The following GSE1 variants were observed in gnomAD, a reference collection of about 807,000 sequenced individuals.
GSE1 encodes the protein Gse1 coiled-coil protein, also known as genetic suppressor element 1.
A neutral mutation model predicts 112.6 loss-of-function variants in GSE1; 32 were observed. That is an observed-to-expected ratio of 0.28 (90% CI 0.21 to 0.38). The LOEUF is 0.38. GSE1 is among the 10% of genes least tolerant of loss of function. The pLI, the probability that GSE1 is intolerant of heterozygous loss-of-function variation, is 1.00. For synonymous variants in GSE1, 1,115 were observed against 735.6 expected, an observed-to-expected ratio of 1.52 and a Z score of -8.35; for missense variants, 2,348 against 1,699.2, an observed-to-expected ratio of 1.38 and a Z score of -6.71.
intron 1 of GSE1, among the ~76,000 whole-genome samples, chr16:85,352,479 G>C (rs939238164): frequency 1.3e-5 from 2 of 152,198 alleles, no homozygotes; most frequent in African/African-American, 4.8e-5. Flanking sequence ...GGCCCCCTGG[G>C]AGTGGGGGAT....
At chr16:85,460,554 C>G (rs531396282) in intron 2 of GSE1, among the ~76,000 whole-genome samples, 1 of 152,244 alleles carries the variant, frequency 6.6e-6, no homozygotes, top group South Asian at 2.1e-4. Flanking sequence ...AGTAAACTGA[C>G]AGGCAGAAAG....
intron 4 of GSE1, 127 bp downstream of exon 4, chr16:85,654,577 G>A: frequency 1.2e-6 from 1 of 853,362 alleles, no homozygotes; most frequent in Non-Finnish European, 1.8e-6. Context: ...GTCGGCCGCT[G>A]AGCCCTGGGG....
At chr16:85,232,778 C>T (rs922603194) in intron 1 of GSE1, among the ~76,000 whole-genome samples, 1 of 152,270 alleles carries the variant, frequency 6.6e-6, no homozygotes, top group African/African-American at 2.4e-5. Context: ...CCGGAGGCCT[C>T]GCTGACCACC....
chr16:85,208,030 G>C (rs1307184246), intron 1 of GSE1: 1 of 152,220 alleles, frequency 6.6e-6, no homozygotes, highest in Non-Finnish European at 1.5e-5. Flanking sequence ...GTTTGGGGGG[G>C]GTGCCAGGTG....
At chr16:85,520,571 A>G (rs1197662297) in intron 2 of GSE1, among the ~76,000 whole-genome samples, 1 of 151,412 alleles carries the variant, frequency 6.6e-6, no homozygotes, top group Non-Finnish European at 1.5e-5. Context: ...ACAGGCGCCC[A>G]CCACCACACC....
At chr16:85,626,311 C>T (rs578242915) in intron 1 of GSE1, among the ~76,000 whole-genome samples, 13 of 152,266 alleles carry the variant, frequency 8.5e-5, no homozygotes, top group Middle Eastern at 6.8e-3. Context: ...ATCATGAAGC[C>T]GCCCAGGCTC....
intron 1 of GSE1, among the ~76,000 whole-genome samples, chr16:85,262,275 G>A (rs542460792): frequency 3.2e-4 from 48 of 152,290 alleles, no homozygotes; most frequent in Non-Finnish European, 5.1e-4. Flanking sequence ...GAGCCTCCCC[G>A]TCTCTTGTTA....
At chr16:85,668,935 C>A (rs986182470) in intron 14 of GSE1, among the ~76,000 whole-genome samples, 2 of 152,248 alleles carry the variant, frequency 1.3e-5, no homozygotes, top group Non-Finnish European at 1.5e-5. Context: ...CTGGTAAAGG[C>A]TTAGTCGAAG....
At chr16:85,670,120 C>G (rs941975132) in intron 14 of GSE1, among the ~76,000 whole-genome samples, 2 of 152,182 alleles carry the variant, frequency 1.3e-5, no homozygotes, top group African/African-American at 2.4e-5. Flanking sequence ...GAAGTTTTGA[C>G]TAGATTTAGT....
At chr16:85,667,463 G>T (rs1431716430) in intron 13 of GSE1, among the ~76,000 whole-genome samples, 1 of 152,232 alleles carries the variant, frequency 6.6e-6, no homozygotes, top group Non-Finnish European at 1.5e-5. Flanking sequence ...GCTGATTCCT[G>T]GGGGAGGGCA....
intron 8 of GSE1, among the ~76,000 whole-genome samples, chr16:85,658,363 C>T (rs1449824544): frequency 6.6e-6 from 1 of 152,244 alleles, no homozygotes; most frequent in Non-Finnish European, 1.5e-5. Context: ...GACCTAGGGA[C>T]ACTGATTCTG....
chr16:85,381,241 C>T (rs1008434826), intron 2 of GSE1, among the ~76,000 whole-genome samples: 7 of 152,218 alleles, frequency 4.6e-5, no homozygotes, highest in East Asian at 3.8e-4. Context: ...TTTCACTCAG[C>T]GTGGTGTCTT....
At chr16:85,478,953 T>C (rs868208729) in intron 2 of GSE1, among the ~76,000 whole-genome samples, 10 of 77,768 alleles carry the variant, frequency 1.3e-4, no homozygotes, top group African/African-American at 2.1e-4. Context: ...TTCTTTTTTT[T>C]TCTTTCTTTC....
At chr16:85,294,616 A>ACTCTCTCTCTCTCTCTCTCTCCCTCT (rs2045310930) in intron 1 of GSE1, among the ~76,000 whole-genome samples, 1 of 76,596 alleles carries the variant, frequency 1.3e-5, no homozygotes, top group Non-Finnish European at 2.3e-5. Flanking sequence ...CACGCCTCTC[A>ACTCTCTCTCTCTCTCTCTCTCCCTCT]CTCTCTCTCT....
At chr16:85,496,012 C>T (rs1037084775) in intron 2 of GSE1, among the ~76,000 whole-genome samples, 7 of 152,316 alleles carry the variant, frequency 4.6e-5, no homozygotes, top group Admixed American at 2.0e-4. Context: ...TGCCTCAGAG[C>T]GTCACAGGGA....
intron 1 of GSE1, among the ~76,000 whole-genome samples, chr16:85,587,566 C>T (rs555200044): frequency 1.3e-5 from 2 of 152,184 alleles, no homozygotes; most frequent in East Asian, 1.9e-4. Context: ...CATCCAGGTA[C>T]GATCCTGGGC....
At chr16:85,528,531 C>T (rs1056768387) in intron 2 of GSE1, among the ~76,000 whole-genome samples, 19 of 151,646 alleles carry the variant, frequency 1.3e-4, no homozygotes, top group African/African-American at 2.4e-4. Context: ...ACTATGTTGC[C>T]AGAGCTGGTC....
rs759286752 is a variant in GSE1, at chr16:85,661,152, A to G, written c.1647A>G (p.Gly549=). 15 of 1,585,332 alleles carry G rather than the reference A, an allele frequency of 9.5e-6. No individual in the cohort carries two copies. The Admixed American group carries it at 1.2e-4, about 13-fold the overall frequency. ...GGTTGGTTTCACTCCCTAGGCCAGG[A>G]CCAAACCGTCACGAGCCAGGTGGCC... ...EHRPESTTRP[G]PNRHEPGGRD... The change falls in exon 9 of 16, where the codon GGA becomes GGG. Residue 549 remains glycine, a synonymous_variant. Transcript: ENST00000253458.
chr16:85,472,771 G>A (rs141409924), intron 2 of GSE1, among the ~76,000 whole-genome samples: 144 of 152,348 alleles, frequency 9.5e-4, no homozygotes, highest in African/African-American at 3.3e-3. Context: ...GACAAGATCC[G>A]GGAAGCTGTC....
Sources: gnomAD v4.1 joint callset for allele counts (sites outside exome capture counted in the v4.1 genomes callset) on GRCh38, gnomAD v4.1.1 for gene constraint, MANE v1.5 for transcripts, NCBI Gene and HGNC (gene_info 2026-07-23, HGNC 2026-07-21) for gene names.